FAM169A: variants seen among roughly 807,000 people sequenced by gnomAD.
The protein encoded by FAM169A is soluble lamin-associated protein of 75 kDa.
FAM169A carries 24 observed loss-of-function variants against 75.7 expected under a neutral mutation model. The observed-to-expected ratio is 0.32, with a 90% CI of 0.23 to 0.45. The LOEUF is 0.45. Among genes scored for constraint, FAM169A ranks in the 20% least tolerant of loss-of-function variants. The probability of loss-of-function intolerance (pLI) is 1.00; values close to 1 mark genes in which losing one functional copy is unlikely to be tolerated. For synonymous variants in FAM169A, 271 were observed against 271.0 expected (o/e 1.00, Z 0.00); for missense variants, 673 against 784.0 (o/e 0.86, Z 1.69).
chr5:74,803,545 C>A (rs977447073), intron 8 of FAM169A, among the ~76,000 whole-genome samples: 1 of 152,100 alleles, frequency 6.6e-6, no homozygotes, highest in Non-Finnish European at 1.5e-5. Context: ...ACACGTACAA[C>A]ATATGTAGTG....
intron 4 of FAM169A, 68 bp from the exon 5 acceptor site, chr5:74,834,665 T>C: frequency 7.8e-7 from 1 of 1,280,312 alleles, no homozygotes; most frequent in Non-Finnish European, 1.0e-6. Context: ...GCTATTTACT[T>C]TGCTCCCTGC....
chr5:74,838,992 A>G lies in FAM169A; in HGVS notation c.291T>C (p.Ser97=). The part of the protein sequence containing the change: ...WWAIDDIVKT[S]VPSREGLKQV... ...GCTTAAGCCCCTCTCTTGAAGGAAC[A>G]GATGTTTTCACAATATCATCAATAG... Residue 97 remains serine, a synonymous_variant, in exon 4 of 13, where the codon TCT becomes TCC. Coordinates refer to ENST00000687041, the MANE Select transcript of FAM169A (RefSeq NM_001376049.1). 1 of 1,613,828 alleles carries G rather than the reference A, an allele frequency of 6.2e-7. No individual in the cohort carries two copies. The highest frequency in any genetic ancestry group is 8.5e-7 in the Non-Finnish European group (1 of 1,179,712).
chr5:74,817,672 C>T (rs1325326220), intron 5 of FAM169A, among the ~76,000 whole-genome samples: 7 of 152,102 alleles, frequency 4.6e-5, no homozygotes. Flanking sequence ...TCATCCCAAA[C>T]ACACAGGAAA....
chr5:74,818,820 T>TAC (rs1747622479), intron 5 of FAM169A, among the ~76,000 whole-genome samples: 1 of 151,362 alleles, frequency 6.6e-6, no homozygotes, highest in Non-Finnish European at 1.5e-5. Context: ...TATATATATA[T>TAC]ATATGTCAAA....
At chr5:74,842,891 G>A (rs547337796) in intron 1 of FAM169A, among the ~76,000 whole-genome samples, 4 of 152,180 alleles carry the variant, frequency 2.6e-5, no homozygotes, top group East Asian at 3.9e-4. Flanking sequence ...GGGTAGAAGC[G>A]AAGCTATTGC....
intron 1 of FAM169A, among the ~76,000 whole-genome samples, chr5:74,857,531 C>CG (rs1188427537): frequency 7.6e-6 from 1 of 130,806 alleles, no homozygotes; most frequent in Admixed American, 8.9e-5. Flanking sequence ...GACTGCACCA[C>CG]TGCACTCCAG....
At chr5:74,801,362 T>C (rs560717498) in intron 9 of FAM169A, among the ~76,000 whole-genome samples, 22 of 152,304 alleles carry the variant, frequency 1.4e-4, no homozygotes, top group African/African-American at 5.1e-4. Flanking sequence ...CCATCCCTAT[T>C]TTATAGCTAA....
intron 5 of FAM169A, among the ~76,000 whole-genome samples, chr5:74,824,261 T>A (rs911909604): frequency 6.6e-6 from 1 of 152,160 alleles, no homozygotes; most frequent in Admixed American, 6.5e-5. Flanking sequence ...CAAATAACAA[T>A]GAGTACTTCA....
At chr5:74,796,587 G>C (rs540007172) in intron 10 of FAM169A, among the ~76,000 whole-genome samples, 4 of 151,964 alleles carry the variant, frequency 2.6e-5, no homozygotes, top group Non-Finnish European at 5.9e-5. Context: ...TGTATTTTTA[G>C]TAAAGACAGG....
intron 1 of FAM169A, among the ~76,000 whole-genome samples, chr5:74,853,921 C>A (rs1191785882): frequency 6.6e-6 from 1 of 150,804 alleles, no homozygotes; most frequent in African/African-American, 2.4e-5. Context: ...AAAATGAAGC[C>A]AAGTGTTTTA....
At chr5:74,791,506 T>C (rs1745973710) in intron 11 of FAM169A, among the ~76,000 whole-genome samples, 1 of 152,198 alleles carries the variant, frequency 6.6e-6, no homozygotes. Flanking sequence ...CTTGGACACT[T>C]TGGGCTCCTC....
chr5:74,854,903 T>C (rs572008188), intron 1 of FAM169A, among the ~76,000 whole-genome samples: 24 of 152,358 alleles, frequency 1.6e-4, no homozygotes, highest in Admixed American at 1.3e-3. Flanking sequence ...TTATGAATAG[T>C]GCTGCAATAA....
upstream of FAM169A, chr5:74,866,847 C>G (rs1327403010): frequency 1.0e-6 from 1 of 985,416 alleles, no homozygotes; most frequent in African/African-American, 1.7e-5. Context: ...ATCCCGGCCT[C>G]GGGACAGGGG....
chr5:74,839,974 A>T (rs558039916), intron 3 of FAM169A, 100 bp downstream of exon 3: 66 of 542,826 alleles, frequency 1.2e-4, no homozygotes, highest in African/African-American at 7.9e-4. Flanking sequence ...GAAACACTTT[A>T]AAAAAAAAAC....
chr5:74,794,582 T>C (rs1056736428), intron 11 of FAM169A, among the ~76,000 whole-genome samples: 7 of 151,234 alleles, frequency 4.6e-5, no homozygotes, highest in Admixed American at 2.0e-4. Flanking sequence ...ATCAACACCA[T>C]CCTGGCTAAC....
chr5:74,805,646 T>G (rs1036957729), intron 6 of FAM169A, among the ~76,000 whole-genome samples: 1 of 149,450 alleles, frequency 6.7e-6, no homozygotes, highest in Non-Finnish European at 1.5e-5. Context: ...TTCTCCTGCC[T>G]CAGTCTCCTG....
chr5:74,831,502 C>G (rs1288647359), intron 5 of FAM169A, among the ~76,000 whole-genome samples: 1 of 152,040 alleles, frequency 6.6e-6, no homozygotes, highest in Non-Finnish European at 1.5e-5. Context: ...ATGCTGAGAA[C>G]CAGAAGTGAC....
intron 10 of FAM169A, chr5:74,799,658 C>T: frequency 7.5e-7 from 1 of 1,333,484 alleles, no homozygotes; most frequent in Non-Finnish European, 1.1e-6. Context: ...CTGGCCTGGG[C>T]CAGCCACGAC....
chr5:74,792,058 T>A (rs916734171), intron 11 of FAM169A, among the ~76,000 whole-genome samples: 3 of 152,250 alleles, frequency 2.0e-5, no homozygotes, highest in Non-Finnish European at 2.9e-5. Flanking sequence ...TTATGTAATA[T>A]TATTTGGGTT....
Sources: gnomAD v4.1 joint callset for allele counts (sites outside exome capture counted in the v4.1 genomes callset) on GRCh38, gnomAD v4.1.1 for gene constraint, MANE v1.5 for transcripts, NCBI Gene and HGNC (gene_info 2026-07-23, HGNC 2026-07-21) for gene names.